RAPGEF6: variants seen among roughly 807,000 people sequenced by gnomAD.
RAPGEF6 encodes Rap guanine nucleotide exchange factor 6.
RAPGEF6 carries 56 observed loss-of-function variants against 171.4 expected under a neutral mutation model. That is an observed-to-expected ratio of 0.33 (90% CI 0.26 to 0.41). RAPGEF6 has a LOEUF of 0.41. Ranked by LOEUF, RAPGEF6 falls within the 10% of genes least tolerant of loss-of-function variation. The pLI is 1.00. For synonymous variants in RAPGEF6, 692 were observed against 650.1 expected (o/e 1.06, Z -0.98); for missense variants, 1,674 against 1,921.4 (o/e 0.87, Z 2.41).
At chr5:131,627,973 G>A (rs963700175) in intron 1 of RAPGEF6, among the ~76,000 whole-genome samples, 2 of 152,072 alleles carry the variant, frequency 1.3e-5, no homozygotes, top group African/African-American at 4.8e-5. Context: ...CGTAACTGAT[G>A]TATGTGTTCC....
chr5:131,435,701 C>T, intron 24 of RAPGEF6: 1 of 566,452 alleles, frequency 1.8e-6, no homozygotes, highest in Non-Finnish European at 2.7e-6. Context: ...AAAAAGCCTC[C>T]TCTACATATT....
At chr5:131,559,401 T>C (rs982862291) in intron 5 of RAPGEF6, among the ~76,000 whole-genome samples, 2 of 152,198 alleles carry the variant, frequency 1.3e-5, no homozygotes, top group Admixed American at 6.5e-5. Flanking sequence ...GTTCTGATTT[T>C]ACTAAGGACA....
chr5:131,519,930 G>A (rs1187107073), intron 7 of RAPGEF6, among the ~76,000 whole-genome samples: 1 of 152,152 alleles, frequency 6.6e-6, no homozygotes. Flanking sequence ...CAGAGCTATT[G>A]TATTAACTTG....
At chr5:131,445,252 A>G (rs548732021) in intron 22 of RAPGEF6, among the ~76,000 whole-genome samples, 15 of 152,348 alleles carry the variant, frequency 9.8e-5, no homozygotes, top group Admixed American at 9.8e-4. Flanking sequence ...AGCACTTATT[A>G]AAAGGCTCCT....
At chr5:131,606,990 A>C (rs563870744) in intron 1 of RAPGEF6, among the ~76,000 whole-genome samples, 1 of 152,340 alleles carries the variant, frequency 6.6e-6, no homozygotes, top group African/African-American at 2.4e-5. Flanking sequence ...AAAGAGAGTC[A>C]TGGCAAAAGT....
rs553353877 is a variant in RAPGEF6 at position 131,436,530 on chromosome 5, T to C, written c.3746-2872A>G. 5.1e-5 allele frequency: 37 copies of C among 723,352 alleles called. No individual in the cohort carries two copies. In the South Asian group the frequency reaches 7.1e-4, roughly 14 times the overall value. The allele number at this position is 723,352 out of a possible 1,614,324, so 44.8% of individuals were successfully genotyped here. ...ATTTTTTAATGCATGGAAAAAAATCTACTTATATATAAAACATATACACAT... is the reference window on the plus strand; with the variant it reads ...ATTTTTTAATGCATGGAAAAAAATCCACTTATATATAAAACATATACACAT... On this transcript the variant is annotated intron_variant, in intron 24 of 27. Transcript: ENST00000509018.
At chr5:131,484,397 T>C (rs919883796) in intron 15 of RAPGEF6, among the ~76,000 whole-genome samples, 2 of 151,834 alleles carry the variant, frequency 1.3e-5, no homozygotes, top group East Asian at 2.0e-4. Context: ...CAGCTAATTT[T>C]TGTATTTTTA....
intron 17 of RAPGEF6, among the ~76,000 whole-genome samples, chr5:131,471,936 A>G (rs939456963): frequency 2.0e-5 from 3 of 152,168 alleles, no homozygotes; most frequent in Non-Finnish European, 4.4e-5. Flanking sequence ...AGATTAAAAT[A>G]ATCTCCCTTA....
At chr5:131,589,490 G>C (rs1763464036) in intron 4 of RAPGEF6, among the ~76,000 whole-genome samples, 1 of 152,164 alleles carries the variant, frequency 6.6e-6, no homozygotes, top group Admixed American at 6.5e-5. Flanking sequence ...GTTTTGTCTT[G>C]TTACGTAGAC....
At chr5:131,529,381 C>T (rs1759208627) in intron 6 of RAPGEF6, among the ~76,000 whole-genome samples, 2 of 151,528 alleles carry the variant, frequency 1.3e-5, no homozygotes, top group African/African-American at 4.9e-5. Context: ...GAGGCTGAAA[C>T]AGGAGACTCG....
intron 15 of RAPGEF6, among the ~76,000 whole-genome samples, chr5:131,488,893 G>GT (rs1267208722): frequency 6.6e-6 from 1 of 152,046 alleles, no homozygotes; most frequent in African/African-American, 2.4e-5. Context: ...ATCCTAAAGT[G>GT]TCTAAGGCAA....
chr5:131,519,647 C>T (rs1758343780), intron 7 of RAPGEF6, among the ~76,000 whole-genome samples: 1 of 152,176 alleles, frequency 6.6e-6, no homozygotes, highest in Non-Finnish European at 1.5e-5. Flanking sequence ...GGTAATCCGC[C>T]CGCCTAGGCC....
chr5:131,633,262 G>T (rs1020421879), intron 1 of RAPGEF6, among the ~76,000 whole-genome samples: 68 of 152,314 alleles, frequency 4.5e-4, no homozygotes, highest in African/African-American at 1.6e-3. Flanking sequence ...CGGGACCCAG[G>T]AGGCGGAGGT....
chr5:131,604,737 T>G (rs1364977030), intron 1 of RAPGEF6, 44 bp from the exon 2 acceptor site: 1 of 1,557,852 alleles, frequency 6.4e-7, no homozygotes, highest in South Asian at 1.2e-5. Context: ...TCAAATATGC[T>G]GTTTAAAATA....
intron 6 of RAPGEF6, among the ~76,000 whole-genome samples, chr5:131,526,024 T>A (rs1195520350): frequency 6.6e-6 from 1 of 152,224 alleles, no homozygotes; most frequent in Non-Finnish European, 1.5e-5. Context: ...GAGTTGGGAA[T>A]CAAACCCAGG....
At chr5:131,484,567 A>C (rs765355621) in intron 15 of RAPGEF6, among the ~76,000 whole-genome samples, 1 of 152,162 alleles carries the variant, frequency 6.6e-6, no homozygotes, top group Non-Finnish European at 1.5e-5. Context: ...AAACTTTCAG[A>C]AAGTAAAACC....
At chr5:131,574,787 C>G (rs1202479991) in intron 4 of RAPGEF6, among the ~76,000 whole-genome samples, 1 of 152,040 alleles carries the variant, frequency 6.6e-6, no homozygotes, top group Non-Finnish European at 1.5e-5. Flanking sequence ...CTACTCCCTC[C>G]TTGGCGACCA....
chr5:131,535,822 C>G (rs1292998791), intron 6 of RAPGEF6, among the ~76,000 whole-genome samples: 2 of 151,982 alleles, frequency 1.3e-5, no homozygotes, highest in East Asian at 3.9e-4. Flanking sequence ...AGTTACTAAA[C>G]TAACTGTAAA....
chr5:131,568,310 T>C (rs1354714963), intron 4 of RAPGEF6, among the ~76,000 whole-genome samples: 1 of 147,684 alleles, frequency 6.8e-6, no homozygotes. Flanking sequence ...AATTCCTTTG[T>C]TGATTTTTTA....
Sources: gnomAD v4.1 joint callset for allele counts (sites outside exome capture counted in the v4.1 genomes callset) on GRCh38, gnomAD v4.1.1 for gene constraint, MANE v1.5 for transcripts, NCBI Gene and HGNC (gene_info 2026-07-23, HGNC 2026-07-21) for gene names.